TESPA1: variants seen among roughly 807,000 people sequenced by gnomAD.
TESPA1 encodes the protein protein TESPA1.
In TESPA1, 33 loss-of-function variants were observed where a neutral mutation model predicts 57.9. The observed-to-expected ratio is 0.57, with a 90% confidence interval of 0.43 to 0.76. TESPA1 has a LOEUF of 0.76. Ranked by LOEUF, TESPA1 falls within the 30% of genes least tolerant of loss-of-function variation. TESPA1 has a pLI of 0.00. For missense variants in TESPA1, 618 were observed against 632.9 expected (o/e 0.98, Z 0.25); for synonymous variants, 227 against 228.9 (o/e 0.99, Z 0.07).
intron 1 of TESPA1, among the ~76,000 whole-genome samples, chr12:54,984,336 G>C (rs1239444576): frequency 6.6e-6 from 1 of 152,126 alleles, no homozygotes; most frequent in East Asian, 1.9e-4. Context: ...CCCAAGTTTT[G>C]AGAATCTAGA....
intron 5 of TESPA1, 101 bp downstream of exon 5, chr12:54,967,081 TG>T: frequency 7.6e-7 from 1 of 1,313,010 alleles, no homozygotes; most frequent in Non-Finnish European, 1.1e-6. Context: ...ACCCCAGGGA[TG>T]GGCTGTTTCT....
At chr12:54,972,642 C>T (rs976322859) in intron 3 of TESPA1, among the ~76,000 whole-genome samples, 1 of 152,138 alleles carries the variant, frequency 6.6e-6, no homozygotes, top group Non-Finnish European at 1.5e-5. Context: ...ACAAAACAAA[C>T]ACAAAATAAA....
chr12:54,966,470 G>A, intron 5 of TESPA1, 46 bp from the exon 6 acceptor site: 3 of 1,601,474 alleles, frequency 1.9e-6, no homozygotes, highest in Non-Finnish European at 2.6e-6. Context: ...AAGGGAAAAT[G>A]AAAATCACCT....
chr12:54,977,575 C>G (rs116455361), intron 1 of TESPA1, among the ~76,000 whole-genome samples: 2,533 of 152,228 alleles, frequency 0.017, 76 homozygotes, highest in African/African-American at 0.057. Flanking sequence ...AAGGAAAATG[C>G]CTATGAAGGC....
chr12:54,964,074 C>T (rs1208409160), intron 7 of TESPA1, 124 bp from the exon 8 acceptor site: 26 of 1,015,200 alleles, frequency 2.6e-5, no homozygotes, highest in Non-Finnish European at 3.8e-5. Context: ...CTCTACTTTT[C>T]ACTGTGACTT....
At chr12:54,979,788 T>C (rs1388199270) in intron 1 of TESPA1, among the ~76,000 whole-genome samples, 2 of 152,210 alleles carry the variant, frequency 1.3e-5, no homozygotes, top group Non-Finnish European at 2.9e-5. Context: ...TAATTATGAC[T>C]CGAAGAATAT....
rs893118140 is a variant in TESPA1, at chr12:54,984,689, T to C, written c.-150A>G. The C allele has an allele frequency of 6.6e-6, 1 of 152,362 alleles. No homozygotes were observed. Among genetic ancestry groups the C allele is most frequent in the African/African-American group, 2.4e-5 (1 of 41,554 alleles). 9.4% of individuals were successfully genotyped at this position (152,362 alleles called of 1,614,324 possible). ...AGGTGAAGCAAGTGAGAAAGTATCATGTTGTAGATTATGCCTTTCTCCCTG... is the reference window on the plus strand; with the variant it reads ...AGGTGAAGCAAGTGAGAAAGTATCACGTTGTAGATTATGCCTTTCTCCCTG... On this transcript the variant is annotated 5_prime_UTR_variant, in exon 1 of 11. An upstream start codon of the reference 5' UTR is lost. Coordinates refer to ENST00000449076, the MANE Select transcript of TESPA1 (RefSeq NM_001136030.3).
In TESPA1 at chr12:54,963,846, C is replaced by G. The variant is rs751647202; in HGVS notation, c.551G>C (p.Arg184Pro). Residue 184 changes from arginine (R) to proline (P), a missense_variant, in exon 8 of 11, where the codon CGA (arginine) becomes CCA (proline). This residue lies in a region of TESPA1 where 409 missense variants were observed against 420.1 expected (regional missense o/e 0.97). Transcript: ENST00000449076. Reference sequence around the variant, plus strand: ...GGCCTGAGAGGGGGTGGTGAAAAATCGGGCGGGTATCCGAGAAGTGTCTTT... The same window carrying G: ...GGCCTGAGAGGGGGTGGTGAAAAATGGGGCGGGTATCCGAGAAGTGTCTTT... The part of the protein sequence containing the change: ...DHKDTSRIPA[R>P]FFTTPSQAKG... 6.2e-6 allele frequency: 10 copies of G among 1,613,850 alleles called. No individual in the cohort carries two copies. Among genetic ancestry groups the G allele is most frequent in the Non-Finnish European group, 8.5e-6 (10 of 1,179,872 alleles).
At chr12:54,974,257 C>A in intron 2 of TESPA1, 143 bp downstream of exon 2, 1 of 644,038 alleles carries the variant, frequency 1.6e-6, no homozygotes, top group South Asian at 3.2e-5. Flanking sequence ...TAGCTTTTCT[C>A]CTAAACATAT....
chr12:54,978,328 C>A (rs1038472734), intron 1 of TESPA1, among the ~76,000 whole-genome samples: 1 of 152,110 alleles, frequency 6.6e-6, no homozygotes, highest in African/African-American at 2.4e-5. Flanking sequence ...GTCAGTTAGG[C>A]TTTTTTATTA....
chr12:54,973,806 A>T, intron 2 of TESPA1: 1 of 1,187,788 alleles, frequency 8.4e-7, no homozygotes, highest in Non-Finnish European at 1.0e-6. Context: ...ACAAGGGTGG[A>T]TCCTTCTCAT....
chr12:54,956,754 A>C (rs898491833), intron 10 of TESPA1, among the ~76,000 whole-genome samples: 1 of 152,192 alleles, frequency 6.6e-6, no homozygotes, highest in Non-Finnish European at 1.5e-5. Context: ...TATTTCTTAC[A>C]ATTCTGGAGG....
At chr12:54,982,768 T>C (rs1263713513) in intron 1 of TESPA1, among the ~76,000 whole-genome samples, 1 of 152,270 alleles carries the variant, frequency 6.6e-6, no homozygotes, top group African/African-American at 2.4e-5. Context: ...ATTCGTATCT[T>C]TAATTCTTCA....
rs529982778 is a variant in TESPA1 at position 54,968,198 on chromosome 12, A to G, written c.207-306T>C. ...TCGGTCTTTAGGTGAAACAGGAAAG[A>G]AAGAATATTGAAGCAAAACGGGAGA... is the stretch of plus-strand genomic sequence containing the variant. On this transcript the variant is annotated intron_variant, in intron 3 of 10. Coordinates refer to ENST00000449076, the MANE Select transcript of TESPA1 (RefSeq NM_001136030.3). 5.9e-5 allele frequency among the ~76,000 whole-genome samples: 9 copies of G among 152,336 alleles called. No individual in the cohort carries two copies. The East Asian group carries it at 1.7e-3, about 29-fold the overall frequency.
At chr12:54,982,187 C>A (rs1028033936) in intron 1 of TESPA1, among the ~76,000 whole-genome samples, 1 of 152,238 alleles carries the variant, frequency 6.6e-6, no homozygotes, top group African/African-American at 2.4e-5. Context: ...CAAATTCTCA[C>A]ATTCCTTCAT....
At chr12:54,966,367 C>T in intron 6 of TESPA1, 21 bp downstream of exon 6, 2 of 1,613,904 alleles carry the variant, frequency 1.2e-6, no homozygotes, top group Non-Finnish European at 1.7e-6. Flanking sequence ...ATCATTCACC[C>T]TGGCTGAACC....
At chr12:54,976,021 C>T (rs545879248) in intron 1 of TESPA1, among the ~76,000 whole-genome samples, 4 of 152,274 alleles carry the variant, frequency 2.6e-5, no homozygotes, top group South Asian at 4.1e-4. Context: ...TCTTTAACCC[C>T]GGGCACGTGG....
intron 1 of TESPA1, among the ~76,000 whole-genome samples, chr12:54,980,518 C>T (rs750902347): frequency 2.4e-4 from 36 of 152,332 alleles, no homozygotes; most frequent in South Asian, 1.0e-3. Context: ...ATACCATCAC[C>T]GCCCTGTGGT....
In TESPA1 at chr12:54,967,224, T is replaced by C. The variant is rs2136135320; in HGVS notation, c.269A>G (p.His90Arg). 1 of 1,612,798 alleles carries C rather than the reference T, an allele frequency of 6.2e-7. No individual in the cohort carries two copies. Among genetic ancestry groups the C allele is most frequent in the Non-Finnish European group, 8.5e-7 (1 of 1,179,580 alleles). Residue 90 changes from histidine to arginine, a missense_variant, in exon 5 of 11, where the codon CAT becomes CGT. Transcript: ENST00000449076. ...GQFIYNGFCSHGTSFEDDLTL... is the reference protein window; with the variant it reads ...GQFIYNGFCSRGTSFEDDLTL... The stretch of plus-strand genomic sequence containing the variant: ...CAAGTCATCTTCAAAGCTGGTCCCA[T>C]GGCTGCAGAAGCCTGTCCAATAATC...
Sources: allele counts gnomAD v4.1 joint callset (sites outside exome capture counted in the v4.1 genomes callset), GRCh38; gene constraint gnomAD v4.1.1; regional missense constraint gnomAD v4.1.1; transcripts MANE v1.5; gene names NCBI Gene and HGNC (gene_info 2026-07-23, HGNC 2026-07-21).